Variants in VASP observed in about 807,000 individuals in gnomAD.
The protein encoded by VASP is vasodilator stimulated phosphoprotein, also known as vasodilator-stimulated phosphoprotein.
In VASP, 27 loss-of-function variants were observed where a neutral mutation model predicts 54.4. The observed-to-expected ratio is 0.50, with a 90% CI of 0.37 to 0.68. VASP has a LOEUF of 0.68. Ranked by LOEUF, VASP falls within the 30% of genes least tolerant of loss-of-function variation. VASP has a pLI of 0.00. For synonymous variants in VASP, 233 were observed against 209.8 expected (o/e 1.11, Z -0.96); for missense variants, 488 against 528.3 (o/e 0.92, Z 0.75).
intron 11 of VASP, 52 bp downstream of exon 11, chr19:45,524,712 C>A (rs1352575023): frequency 6.5e-7 from 1 of 1,548,784 alleles, no homozygotes; most frequent in Non-Finnish European, 8.9e-7. Context: ...TAGGTCTGGC[C>A]CCTGCCACTG....
At chr19:45,519,841 C>T (rs1335595718) in intron 3 of VASP, among the ~76,000 whole-genome samples, 4 of 150,422 alleles carry the variant, frequency 2.7e-5, no homozygotes, top group Non-Finnish European at 5.9e-5. Context: ...GTGATCCGCC[C>T]GCCTCGGCCT....
intron 1 of VASP, among the ~76,000 whole-genome samples, chr19:45,512,735 G>T (rs1166612338): frequency 6.6e-6 from 1 of 151,680 alleles, no homozygotes; most frequent in Non-Finnish European, 1.5e-5. Flanking sequence ...AAGTAGCTGG[G>T]ATTACAGGCG....
At position 45,517,811 on chromosome 19, in the gene VASP, C is replaced by T. The variant is rs747472289; in HGVS notation, c.154C>T (p.Arg52Trp). Residue 52 changes from arginine to tryptophan, a missense_variant, in exon 2 of 13, where the codon CGG (arginine) becomes TGG (tryptophan). Coordinates refer to ENST00000245932, the MANE Select transcript of VASP (RefSeq NM_003370.4). Reference protein sequence around the residue: ...PTANSFRVVGRKMQPDQQVVI... With the variant: ...PTANSFRVVGWKMQPDQQVVI... ...GGCCAATTCCTTTCGCGTCGTGGGC[C>T]GGAAGATGCAGCCCGACCAGCAGGT... The T allele has an allele frequency of 5.1e-5, 83 of 1,613,620 alleles. No homozygotes were observed. Among genetic ancestry groups the T allele is most frequent in the Non-Finnish European group, 6.4e-5 (75 of 1,179,996 alleles).
intron 4 of VASP, among the ~76,000 whole-genome samples, chr19:45,521,956 G>A (rs778052357): frequency 5.3e-5 from 8 of 151,730 alleles, no homozygotes; most frequent in Non-Finnish European, 7.4e-5. Context: ...CTGGGATCTC[G>A]CATCCTGATC....
chr19:45,525,899 C>T, intron 11 of VASP, 47 bp from the exon 12 acceptor site: 1 of 1,564,634 alleles, frequency 6.4e-7, no homozygotes, highest in African/African-American at 1.4e-5. Context: ...TTCATTCCTG[C>T]AAGTCCCGGT....
At chr19:45,518,653 CAGA>C (rs1704983201) in intron 3 of VASP, among the ~76,000 whole-genome samples, 1 of 152,206 alleles carries the variant, frequency 6.6e-6, no homozygotes, top group African/African-American at 2.4e-5. Context: ...AACCACCTCC[CAGA>C]TCAAGACATA....
chr19:45,517,723 A>G lies in VASP; in HGVS notation c.66A>G (p.Arg22=). The change falls in exon 2 of 13, where the codon CGA becomes CGG. Residue 22 remains arginine, a synonymous_variant. Coordinates refer to ENST00000245932, the MANE Select transcript of VASP (RefSeq NM_003370.4). ...TGCTTTATGATGATGGCAACAAGCG[A>G]TGGCTCCCTGCTGGCACGGGTCCCC... ...TVMLYDDGNK[R]WLPAGTGPQA... The G allele has an allele frequency of 6.2e-7, 1 of 1,613,156 alleles. No homozygotes were observed. The highest frequency in any genetic ancestry group is 8.5e-7 in the Non-Finnish European group (1 of 1,180,010).
At chr19:45,508,566 G>A in intron 1 of VASP, among the ~76,000 whole-genome samples, 1 of 141,706 alleles carries the variant, frequency 7.1e-6, no homozygotes, top group African/African-American at 2.7e-5. Context: ...GGCAGCTGGG[G>A]GAAGGGGGCC....
intron 7 of VASP, 29 bp from the exon 8 acceptor site, chr19:45,523,615 G>T (rs771979035): frequency 6.2e-7 from 1 of 1,613,250 alleles, no homozygotes; most frequent in Non-Finnish European, 8.5e-7. Context: ...GGTGACGGAA[G>T]CACGTGTTTT....
chr19:45,521,219 C>T (rs1968824663), intron 3 of VASP, 103 bp from the exon 4 acceptor site: 1 of 1,194,878 alleles, frequency 8.4e-7, no homozygotes, highest in Non-Finnish European at 1.2e-6. Flanking sequence ...GAAGTGAGCG[C>T]CTCTGGGCAG....
chr19:45,522,527 G>A lies in VASP; in HGVS notation c.666G>A (p.Gly222=), dbSNP rs979920327. 1 of 1,455,164 alleles carries A rather than the reference G, an allele frequency of 6.9e-7. No homozygotes were observed. The highest frequency in any genetic ancestry group is 9.0e-7 in the Non-Finnish European group (1 of 1,108,884). The allele number at this position is 1,455,164 out of a possible 1,614,324, so 90.1% of individuals were successfully genotyped here. Residue 222 remains glycine, a synonymous_variant, in exon 6 of 13, where the codon GGG becomes GGA. Transcript: ENST00000245932. ...AGGGCCCTGGTGGTGGGGGAGCTGGGGCCCCAGGCCTGGCCGCAGCTATTG... is the reference window on the plus strand; with the variant it reads ...AGGGCCCTGGTGGTGGGGGAGCTGGAGCCCCAGGCCTGGCCGCAGCTATTG... ...AAQGPGGGGA[G]APGLAAAIAG...
At chr19:45,524,372 C>G (rs533415676) in intron 10 of VASP, 198 bp from the exon 11 acceptor site, 1 of 671,312 alleles carries the variant, frequency 1.5e-6, no homozygotes, top group Non-Finnish European at 2.5e-6. Flanking sequence ...TGCACTCCAG[C>G]CTGAGAAATA....
Position 45,507,710 on chromosome 19 carries a change from C to T in VASP, c.-62C>T. The T allele has an allele frequency of 2.0e-6, 3 of 1,514,048 alleles. No homozygotes were observed. Among genetic ancestry groups the T allele is most frequent in the Non-Finnish European group, 8.8e-7 (1 of 1,137,950 alleles). 93.8% of individuals were successfully genotyped at this position (1,514,048 alleles called of 1,614,324 possible). ...GAGCCAGCCCCGAACCCCTGAACCT[C>T]CAGCCAGGGGCGCCCCGGGAGCAGC... On this transcript the variant is annotated 5_prime_UTR_variant, in exon 1 of 13. Coordinates refer to ENST00000245932, the MANE Select transcript of VASP (RefSeq NM_003370.4). The surrounding 1 kb of genome is among the most constrained non-coding windows in gnomAD (Gnocchi z 4.4).
chr19:45,509,093 G>A (rs1288498177), intron 1 of VASP, among the ~76,000 whole-genome samples: 4 of 152,212 alleles, frequency 2.6e-5, no homozygotes, highest in East Asian at 1.9e-4. Flanking sequence ...CACATCCCCC[G>A]CATTTCCTGA....
chr19:45,521,492 C>A (rs1355774275), intron 4 of VASP, 86 bp downstream of exon 4: 6 of 1,235,698 alleles, frequency 4.9e-6, no homozygotes, highest in Non-Finnish European at 5.5e-6. Context: ...GTTCAGAACC[C>A]AGCCAACTTG....
intron 3 of VASP, 28 bp from the exon 4 acceptor site, chr19:45,521,294 C>G: frequency 6.5e-7 from 1 of 1,547,316 alleles, no homozygotes; most frequent in Non-Finnish European, 8.8e-7. Context: ...TGGGACTGAT[C>G]CATGGCCCTT....
Position 45,522,717 on chromosome 19 carries a change from G to T in VASP, c.721-1G>T. Reference sequence around the variant, plus strand: ...CTCCTGCCCCTTTTAAATTTCTCCAGCAGGAGGAGGCCTCAGGGGGGCCCA... The same window carrying T: ...CTCCTGCCCCTTTTAAATTTCTCCATCAGGAGGAGGCCTCAGGGGGGCCCA... On this transcript the variant is annotated splice_acceptor_variant, in intron 6 of 12. Transcript: ENST00000245932. LOFTEE classifies it high-confidence loss of function. 6.2e-7 allele frequency: 1 copy of T among 1,603,768 alleles called. No individual in the cohort carries two copies. Among genetic ancestry groups the T allele is most frequent in the Non-Finnish European group, 8.5e-7 (1 of 1,177,410 alleles).
In VASP at chr19:45,521,332, C is replaced by G. The variant is rs1355810396; in HGVS notation, c.354C>G (p.Pro118=). The G allele has an allele frequency of 1.3e-6, 2 of 1,577,164 alleles. No homozygotes were observed. The change falls in exon 4 of 13, where the codon CCC becomes CCG. Residue 118 remains proline, a synonymous_variant. Coordinates refer to ENST00000245932, the MANE Select transcript of VASP (RefSeq NM_003370.4). ...TCTCTCACCTTTCAGGAGGTGGGCC[C>G]CCTCCACCCCCAGCACTTCCCACCT... is the stretch of plus-strand genomic sequence containing the variant. The part of the protein sequence containing the change: ...SALEALEGGG[P]PPPPALPTWS...
intron 1 of VASP, among the ~76,000 whole-genome samples, chr19:45,510,221 T>G (rs113750152): frequency 0.013 from 2,034 of 152,118 alleles, 45 homozygotes; most frequent in African/African-American, 0.047. Context: ...CTGGTTTTTT[T>G]GTTGGTTTGT....
Sources: allele counts gnomAD v4.1 joint callset (sites outside exome capture counted in the v4.1 genomes callset), GRCh38; gene constraint gnomAD v4.1.1; non-coding constraint Gnocchi (gnomAD v3.1); transcripts MANE v1.5; gene names NCBI Gene and HGNC (gene_info 2026-07-23, HGNC 2026-07-21).